ANKRD44: variants seen among roughly 807,000 people sequenced by gnomAD.
ANKRD44 encodes the protein serine/threonine-protein phosphatase 6 regulatory ankyrin repeat subunit B.
ANKRD44 carries 35 observed loss-of-function variants against 116.0 expected under a neutral mutation model. The observed-to-expected ratio is 0.30, with a 90% CI of 0.23 to 0.40. ANKRD44 has a LOEUF of 0.40. Among genes scored for constraint, ANKRD44 ranks in the 10% least tolerant of loss-of-function variants. ANKRD44 has a pLI of 1.00. For synonymous variants in ANKRD44, 435 were observed against 461.8 expected (o/e 0.94, Z 0.74); for missense variants, 1,014 against 1,242.6 (o/e 0.82, Z 2.77).
At chr2:197,141,700 T>C (rs760007898) in intron 3 of ANKRD44, among the ~76,000 whole-genome samples, 4 of 152,214 alleles carry the variant, frequency 2.6e-5, no homozygotes, top group African/African-American at 9.6e-5. Context: ...TTCATGGAGG[T>C]TGAATAGGCA....
At chr2:197,090,062 G>C (rs369347175) in intron 10 of ANKRD44, 30 bp from the exon 11 acceptor site, 1 of 1,537,282 alleles carries the variant, frequency 6.5e-7, no homozygotes, top group South Asian at 1.1e-5. Context: ...AGCAACTCAC[G>C]GCAACAGATC....
intron 16 of ANKRD44, chr2:197,028,689 T>A (rs796988746): frequency 3.2e-5 from 5 of 158,010 alleles, no homozygotes; most frequent in African/African-American, 1.2e-4. Context: ...TTGATCTTTA[T>A]GGAATAAACT....
At chr2:197,037,522 T>A (rs62279177) in intron 16 of ANKRD44, among the ~76,000 whole-genome samples, 17,068 of 152,284 alleles carry the variant, frequency 0.11, 1,124 homozygotes, top group East Asian at 0.16. Context: ...GGTAAGTGAA[T>A]GAGACAGCAT....
chr2:197,132,405 AT>A, intron 4 of ANKRD44, among the ~76,000 whole-genome samples: 1 of 152,358 alleles, frequency 6.6e-6, no homozygotes, highest in Non-Finnish European at 1.5e-5. Flanking sequence ...AATGTCAGGC[AT>A]GGATTCATAT....
At chr2:197,094,256 T>C (rs906112459) in intron 10 of ANKRD44, among the ~76,000 whole-genome samples, 2 of 152,186 alleles carry the variant, frequency 1.3e-5, no homozygotes, top group African/African-American at 4.8e-5. Context: ...GTCCTCATTT[T>C]GCCACTTGCT....
Position 197,024,964 on chromosome 2 carries a change from T to G in ANKRD44, c.1722+232A>C, listed in dbSNP as rs544025017. On this transcript the variant is annotated intron_variant, in intron 17 of 27. Coordinates refer to ENST00000282272, the MANE Select transcript of ANKRD44 (RefSeq NM_001195144.2). ...TTTTCATTTGCCCTCATTTCGCAGA[T>G]GGGGAAACTGAGGCTCAAGACAGGG... is the stretch of plus-strand genomic sequence containing the variant. Among the ~76,000 whole-genome samples the G allele has an allele frequency of 2.0e-5, 3 of 152,308 alleles. No individual in the cohort carries two copies. The South Asian group carries it at 6.2e-4, about 32-fold the overall frequency.
At chr2:197,174,492 T>C (rs1321763526) in intron 2 of ANKRD44, among the ~76,000 whole-genome samples, 1 of 152,250 alleles carries the variant, frequency 6.6e-6, no homozygotes, top group Non-Finnish European at 1.5e-5. Context: ...TATGTAACGT[T>C]TTTAAAGATA....
At chr2:197,159,004 CACAT>C (rs767385333) in intron 2 of ANKRD44, among the ~76,000 whole-genome samples, 2,328 of 151,398 alleles carry the variant, frequency 0.015, 25 homozygotes, top group Middle Eastern at 0.048. Context: ...CACACACACA[CACAT>C]ACACACACAT....
chr2:196,972,055 CT>C (rs2075719684), intron 21 of ANKRD44, among the ~76,000 whole-genome samples: 1 of 152,038 alleles, frequency 6.6e-6, no homozygotes, highest in African/African-American at 2.4e-5. Context: ...GTCATGCAGG[CT>C]GGGGGTTTGT....
At chr2:197,153,225 C>A (rs1479939342) in intron 2 of ANKRD44, among the ~76,000 whole-genome samples, 39 of 69,330 alleles carry the variant, frequency 5.6e-4, no homozygotes, top group African/African-American at 1.8e-3. Flanking sequence ...AAGACCCTGC[C>A]AAAAAAAAAA....
At chr2:197,285,784 C>A (rs73988423) in intron 1 of ANKRD44, among the ~76,000 whole-genome samples, 6,365 of 152,212 alleles carry the variant, frequency 0.042, 430 homozygotes, top group African/African-American at 0.14. Flanking sequence ...TGACAAAGAA[C>A]CTGTACAAAG....
intron 16 of ANKRD44, among the ~76,000 whole-genome samples, chr2:197,051,150 G>A (rs1000390780): frequency 2.6e-5 from 4 of 150,988 alleles, no homozygotes; most frequent in African/African-American, 9.8e-5. Flanking sequence ...TTTTAGAGAC[G>A]GGGTTTCGCC....
Position 196,998,871 on chromosome 2 carries a change from G to A in ANKRD44, c.2665+36C>T, listed in dbSNP as rs1233279488. On this transcript the variant is annotated intron_variant, in intron 24 of 27. Coordinates refer to ENST00000282272, the MANE Select transcript of ANKRD44 (RefSeq NM_001195144.2). ...TTTGACATTATTTTGGTTTTTGCATGGGCATAAGGGCAAAGTCCATACAAC... is the reference window on the plus strand; with the variant it reads ...TTTGACATTATTTTGGTTTTTGCATAGGCATAAGGGCAAAGTCCATACAAC... 6.9e-6 allele frequency: 11 copies of A among 1,599,392 alleles called. No individual in the cohort carries two copies. In the South Asian group the frequency reaches 1.2e-4, roughly 18 times the overall value.
In ANKRD44 at chr2:197,025,202, G is replaced by A. The variant is rs1198248947; in HGVS notation, c.1716C>T (p.His572=). 2 of 1,611,718 alleles carry A rather than the reference G, an allele frequency of 1.2e-6. No individual in the cohort carries two copies. The highest frequency in any genetic ancestry group is 1.1e-5 in the South Asian group (1 of 90,942). ...CTCATGGCATCTCACTTACAGCTAAGTGGAGTGGACTCTTAGTAGCACCAG... is the reference window on the plus strand; with the variant it reads ...CTCATGGCATCTCACTTACAGCTAAATGGAGTGGACTCTTAGTAGCACCAG... ...SDSGATKSPL[H]LAAYNGHHQA... The change falls in exon 17 of 28, where the codon CAC becomes CAT. Residue 572 remains histidine, a synonymous_variant. Coordinates refer to ENST00000282272, the MANE Select transcript of ANKRD44 (RefSeq NM_001195144.2).
rs1031914735 is a variant in ANKRD44 at position 197,014,678 on chromosome 2, C to T, written c.1723-966G>A. On this transcript the variant is annotated intron_variant, in intron 17 of 27. Coordinates refer to ENST00000282272, the MANE Select transcript of ANKRD44 (RefSeq NM_001195144.2). ...GGCGGTGCCTGTAATCCCAGCTACT[C>T]GGGAGGCTGAGGCAGGAGAATTGCT... 8.6e-5 allele frequency among the ~76,000 whole-genome samples: 13 copies of T among 151,642 alleles called. No homozygotes were observed. In the South Asian group the frequency reaches 1.9e-3, roughly 22 times the overall value.
intron 2 of ANKRD44, among the ~76,000 whole-genome samples, chr2:197,173,344 G>A (rs1412598405): frequency 6.6e-6 from 1 of 152,080 alleles, no homozygotes; most frequent in Non-Finnish European, 1.5e-5. Context: ...ATAAAACTTT[G>A]TCCTCTAGCA....
intron 20 of ANKRD44, among the ~76,000 whole-genome samples, chr2:197,006,142 G>C (rs527243063): frequency 5.9e-5 from 9 of 152,288 alleles, no homozygotes; most frequent in African/African-American, 1.7e-4. Flanking sequence ...CCTGACAACT[G>C]TGAAAGATAT....
chr2:197,154,064 T>C (rs972328896), intron 2 of ANKRD44, among the ~76,000 whole-genome samples: 6 of 151,990 alleles, frequency 3.9e-5, no homozygotes, highest in Non-Finnish European at 8.8e-5. Context: ...GTATTAGGTA[T>C]CCCTAAATAA....
intron 2 of ANKRD44, among the ~76,000 whole-genome samples, chr2:197,165,998 C>G (rs1260633995): frequency 6.6e-6 from 1 of 152,174 alleles, no homozygotes; most frequent in African/African-American, 2.4e-5. Context: ...GTAGAGGGAA[C>G]AAACATAACT....
Sources: allele counts gnomAD v4.1 joint callset (sites outside exome capture counted in the v4.1 genomes callset), GRCh38; gene constraint gnomAD v4.1.1; transcripts MANE v1.5; gene names NCBI Gene and HGNC (gene_info 2026-07-23, HGNC 2026-07-21).